The following LIPK variants were observed in gnomAD, a reference collection of about 807,000 sequenced individuals.
LIPK encodes lipase member K.
In LIPK, 32 loss-of-function variants were observed where a neutral mutation model predicts 48.6. That is an observed-to-expected ratio of 0.66 (90% confidence interval 0.50 to 0.88). The LOEUF is 0.88. Ranked by LOEUF, LIPK falls within the 40% of genes least tolerant of loss-of-function variation. LIPK has a pLI of 0.00. For synonymous variants in LIPK, 164 were observed against 157.4 expected (o/e 1.04, Z -0.32); for missense variants, 507 against 478.5 (o/e 1.06, Z -0.56).
At chr10:88,740,201 C>A in intron 8 of LIPK, 134 bp downstream of exon 8, 1 of 491,430 alleles carries the variant, frequency 2.0e-6, no homozygotes, top group East Asian at 3.3e-5. Flanking sequence ...TCAGCATCAA[C>A]TCTTCATTTT....
Position 88,726,821 on chromosome 10 carries a change from T to C in LIPK, c.132T>C (p.Tyr44=). The C allele has an allele frequency of 6.3e-7, 1 of 1,596,866 alleles. No homozygotes were observed. Among genetic ancestry groups the C allele is most frequent in the East Asian group, 2.2e-5 (1 of 44,790 alleles). The change falls in exon 3 of 10, where the codon TAT becomes TAC. Residue 44 remains tyrosine (Y), a synonymous_variant. Transcript: ENST00000404190. ...GCCAGATTATTTCTTACTGGGGTTA[T>C]CCTTATGAAGAGTATGATGTTACAA... ...NISQIISYWG[Y]PYEEYDVTTK...
At chr10:88,718,961 T>C (rs1842170617) in intron 1 of LIPK, among the ~76,000 whole-genome samples, 1 of 152,180 alleles carries the variant, frequency 6.6e-6, no homozygotes, top group South Asian at 2.1e-4. Flanking sequence ...TTGAAATAAT[T>C]GTGCCATATT....
At chr10:88,727,171 T>G (rs561223070) in intron 3 of LIPK, among the ~76,000 whole-genome samples, 201 of 152,330 alleles carry the variant, frequency 1.3e-3, no homozygotes, top group Non-Finnish European at 2.4e-3. Flanking sequence ...CACATCGTGT[T>G]CTTACCCTAG....
In LIPK at chr10:88,733,713, C is replaced by A. The variant is rs571784044; in HGVS notation, c.669+1162C>A. On this transcript the variant is annotated intron_variant, in intron 6 of 9. Coordinates refer to ENST00000404190, the MANE Select transcript of LIPK (RefSeq NM_001080518.2). ...AAGAGATATTTTGGGATGGTGAGAT[C>A]TTTCCATTCCTCTTCATTTGCACAG... is the stretch of plus-strand genomic sequence containing the variant. Among the ~76,000 whole-genome samples the A allele has an allele frequency of 3.3e-5, 5 of 152,318 alleles. 1 individual carries two copies. In the South Asian group the frequency reaches 1.0e-3, roughly 32 times the overall value.
chr10:88,752,178 G>A (rs1037833347), intron 9 of LIPK, among the ~76,000 whole-genome samples: 2 of 152,036 alleles, frequency 1.3e-5, no homozygotes, highest in Non-Finnish European at 2.9e-5. Context: ...TATCCTATCC[G>A]ACATTTTGTT....
At chr10:88,712,801 G>C (rs1842048994) in intron 1 of LIPK, among the ~76,000 whole-genome samples, 1 of 152,078 alleles carries the variant, frequency 6.6e-6, no homozygotes, top group Non-Finnish European at 1.5e-5. Context: ...TGTTACCATG[G>C]GAAGAAGAGA....
chr10:88,743,202 A>G, intron 8 of LIPK, 48 bp from the exon 9 acceptor site: 1 of 1,285,794 alleles, frequency 7.8e-7, no homozygotes, highest in Non-Finnish European at 1.1e-6. Flanking sequence ...CTGTCTTTAA[A>G]TGTACACTAT....
At chr10:88,722,627 G>A (rs1194692170) in intron 1 of LIPK, among the ~76,000 whole-genome samples, 1 of 152,074 alleles carries the variant, frequency 6.6e-6, no homozygotes, top group Non-Finnish European at 1.5e-5. Context: ...TGGTCTATGG[G>A]CCATACTTAG....
chr10:88,715,414 A>G (rs1412606279), intron 1 of LIPK, among the ~76,000 whole-genome samples: 1 of 152,070 alleles, frequency 6.6e-6, no homozygotes, highest in African/African-American at 2.4e-5. Flanking sequence ...GACTCTGATA[A>G]TGTTCATTGT....
chr10:88,726,192 A>G (rs1842334778), intron 2 of LIPK, among the ~76,000 whole-genome samples: 1 of 152,178 alleles, frequency 6.6e-6, no homozygotes, highest in Non-Finnish European at 1.5e-5. Context: ...ATTTTCATCA[A>G]AGCAAACTAG....
chr10:88,714,829 G>A (rs1842087756), intron 1 of LIPK, among the ~76,000 whole-genome samples: 1 of 151,460 alleles, frequency 6.6e-6, no homozygotes, highest in Non-Finnish European at 1.5e-5. Context: ...CCAACTTTTG[G>A]CTTTATTAAT....
chr10:88,717,585 T>C (rs1842143719), intron 1 of LIPK, among the ~76,000 whole-genome samples: 1 of 152,186 alleles, frequency 6.6e-6, no homozygotes, highest in Non-Finnish European at 1.5e-5. Flanking sequence ...TAACTCCCAG[T>C]AACTCTCCTA....
chr10:88,710,519 A>G (rs1180378132), intron 1 of LIPK, among the ~76,000 whole-genome samples: 1 of 152,176 alleles, frequency 6.6e-6, no homozygotes, highest in Non-Finnish European at 1.5e-5. Context: ...CCCTAGAACC[A>G]AGCAAACACT....
rs959569521 is a variant in LIPK at position 88,737,651 on chromosome 10, A to G, written c.686A>G (p.Lys229Arg). Reference sequence around the variant, plus strand: ...ATCTTGTAGGTGTTGTTTGGTGACAAAATGTTCCACCCTCATACATTGTTT... The same window carrying G: ...ATCTTGTAGGTGTTGTTTGGTGACAGAATGTTCCACCCTCATACATTGTTT... ...RRVVKVLFGD[K>R]MFHPHTLFDQ... is the part of the protein sequence containing the mutation. The change falls in exon 7 of 10, where the codon AAA (lysine) becomes AGA (arginine). Residue 229 changes from lysine to arginine, a missense_variant. Transcript: ENST00000404190. 1.7e-5 allele frequency: 27 copies of G among 1,613,470 alleles called. No homozygotes were observed. Among genetic ancestry groups the G allele is most frequent in the Non-Finnish European group, 2.0e-5 (24 of 1,179,672 alleles).
At chr10:88,730,608 G>T (rs981778725) in intron 3 of LIPK, among the ~76,000 whole-genome samples, 3 of 152,110 alleles carry the variant, frequency 2.0e-5, no homozygotes, top group African/African-American at 7.2e-5. Context: ...CCTTTTACAT[G>T]TTTTAGTTCT....
intron 3 of LIPK, among the ~76,000 whole-genome samples, 198 bp from the exon 4 acceptor site, chr10:88,730,785 A>G (rs1842448753): frequency 6.6e-6 from 1 of 152,222 alleles, no homozygotes; most frequent in Non-Finnish European, 1.5e-5. Flanking sequence ...ATAATCCCTT[A>G]CAAATGAGAA....
intron 9 of LIPK, among the ~76,000 whole-genome samples, chr10:88,751,712 C>T (rs578086010): frequency 2.6e-5 from 4 of 152,224 alleles, no homozygotes; most frequent in East Asian, 3.9e-4. Flanking sequence ...TTTCAGAATA[C>T]GGTTGTCTCT....
chr10:88,739,621 T>A (rs571645412), intron 7 of LIPK, among the ~76,000 whole-genome samples: 29 of 152,174 alleles, frequency 1.9e-4, no homozygotes, highest in African/African-American at 6.7e-4. Flanking sequence ...TTTGGGAAGC[T>A]GAGGCAGGCG....
At chr10:88,733,439 C>A (rs1842508691) in intron 6 of LIPK, among the ~76,000 whole-genome samples, 1 of 152,164 alleles carries the variant, frequency 6.6e-6, no homozygotes, top group Non-Finnish European at 1.5e-5. Flanking sequence ...CTGACAGAAG[C>A]CTGAAGATTT....
Sources: allele counts gnomAD v4.1 joint callset (sites outside exome capture counted in the v4.1 genomes callset), GRCh38; gene constraint gnomAD v4.1.1; transcripts MANE v1.5; gene names NCBI Gene and HGNC (gene_info 2026-07-23, HGNC 2026-07-21).